ERLEC1: variants seen among roughly 807,000 people sequenced by gnomAD.
ERLEC1 encodes endoplasmic reticulum lectin 1.
ERLEC1 carries 47 observed loss-of-function variants against 68.0 expected under a neutral mutation model. The ratio of observed to expected loss-of-function variants is 0.69; its 90% confidence interval spans 0.55 to 0.88. The LOEUF is 0.88. ERLEC1 is among the 40% of genes least tolerant of loss of function. The pLI is 0.00. For synonymous variants in ERLEC1, 225 were observed against 203.2 expected (o/e 1.11, Z -0.91); for missense variants, 567 against 583.8 (o/e 0.97, Z 0.30).
At chr2:53,809,565 C>A (rs1257529743) in intron 10 of ERLEC1, among the ~76,000 whole-genome samples, 2 of 152,100 alleles carry the variant, frequency 1.3e-5, no homozygotes, top group African/African-American at 4.8e-5. Flanking sequence ...AGAAATTAAT[C>A]ATTCTTACAA....
chr2:53,806,583 A>AAAT (rs1313420963), intron 8 of ERLEC1, among the ~76,000 whole-genome samples: 4 of 152,174 alleles, frequency 2.6e-5, no homozygotes, highest in African/African-American at 9.7e-5. Context: ...ACTTTTCAAA[A>AAAT]AATAAGACAG....
At chr2:53,808,001 G>A (rs1367767659) in intron 8 of ERLEC1, among the ~76,000 whole-genome samples, 1 of 151,578 alleles carries the variant, frequency 6.6e-6, no homozygotes, top group Admixed American at 6.6e-5. Flanking sequence ...CTCCAGCCTG[G>A]GCGACAGAGC....
intron 13 of ERLEC1, among the ~76,000 whole-genome samples, chr2:53,815,464 G>A (rs1019884660): frequency 1.7e-4 from 26 of 152,066 alleles, no homozygotes; most frequent in African/African-American, 5.6e-4. Context: ...CAGATCTTAA[G>A]TGTTGAGCTT....
At chr2:53,799,253 G>A (rs552578284) in intron 6 of ERLEC1, among the ~76,000 whole-genome samples, 172 bp downstream of exon 6, 21 of 152,218 alleles carry the variant, frequency 1.4e-4, no homozygotes, top group African/African-American at 4.8e-4. Flanking sequence ...TCCGAGAAAA[G>A]TTACACTGTG....
intron 12 of ERLEC1, 71 bp from the exon 13 acceptor site, chr2:53,814,789 A>G: frequency 8.2e-7 from 1 of 1,225,092 alleles, no homozygotes; most frequent in Non-Finnish European, 1.2e-6. Flanking sequence ...GGGATTTTTA[A>G]GAGTACAGTT....
chr2:53,814,478 C>T (rs532474199), intron 11 of ERLEC1, 65 bp from the exon 12 acceptor site: 1,211 of 1,119,582 alleles, frequency 1.1e-3, no homozygotes, highest in Non-Finnish European at 1.5e-3. Flanking sequence ...TCTCACCCTA[C>T]CCATTACAAT....
intron 11 of ERLEC1, 139 bp downstream of exon 11, chr2:53,813,212 T>C: frequency 1.9e-6 from 2 of 1,053,070 alleles, no homozygotes; most frequent in Admixed American, 5.8e-5. Flanking sequence ...AGGTTAGTTT[T>C]CTTTTCTTAG....
At chr2:53,795,368 T>C (rs1249925048) in intron 2 of ERLEC1, among the ~76,000 whole-genome samples, 1 of 152,208 alleles carries the variant, frequency 6.6e-6, no homozygotes, top group African/African-American at 2.4e-5. Flanking sequence ...ATCTGGAAAA[T>C]AGAAATATTA....
intron 8 of ERLEC1, among the ~76,000 whole-genome samples, chr2:53,807,481 C>G (rs1676357603): frequency 6.6e-6 from 1 of 152,108 alleles, no homozygotes; most frequent in South Asian, 2.1e-4. Flanking sequence ...TCTCAGCTCA[C>G]TGCAACCTCC....
Position 53,794,906 on chromosome 2 carries a change from GC to G in ERLEC1, c.267+459del, listed in dbSNP as rs923664735. On this transcript the variant is annotated intron_variant, in intron 2 of 13. Transcript: ENST00000185150. ...TTGACCTCATGATCTGCCCACCTCG[GC>G]CTCCCAAAGTGCTGGGATTACAGGC... 3.3e-5 allele frequency among the ~76,000 whole-genome samples: 5 copies of G among 152,106 alleles called. No homozygotes were observed. In the East Asian group the frequency reaches 9.7e-4, roughly 29 times the overall value.
intron 5 of ERLEC1, among the ~76,000 whole-genome samples, chr2:53,798,024 G>A (rs577785271): frequency 2.0e-4 from 30 of 152,130 alleles, no homozygotes; most frequent in African/African-American, 5.1e-4. Flanking sequence ...GTGAAACCCC[G>A]TCTCTATTAA....
chr2:53,797,857 A>G (rs1297194095), intron 5 of ERLEC1, 62 bp downstream of exon 5: 2 of 1,392,884 alleles, frequency 1.4e-6, no homozygotes, highest in Admixed American at 3.8e-5. Flanking sequence ...ATATGTTCAA[A>G]ATGGAATTTA....
At chr2:53,817,726 T>C (rs1396854849) in intron 13 of ERLEC1, among the ~76,000 whole-genome samples, 172 bp from the exon 14 acceptor site, 1 of 152,232 alleles carries the variant, frequency 6.6e-6, no homozygotes, top group Non-Finnish European at 1.5e-5. Context: ...TCTGTATGGA[T>C]GACTAAAAGT....
At chr2:53,807,133 A>G (rs998805406) in intron 8 of ERLEC1, among the ~76,000 whole-genome samples, 1 of 152,198 alleles carries the variant, frequency 6.6e-6, no homozygotes, top group Non-Finnish European at 1.5e-5. Flanking sequence ...ACCTCTCAGC[A>G]TTTAGTTTTC....
chr2:53,801,660 C>T (rs1266823736), intron 7 of ERLEC1, 40 bp downstream of exon 7: 1 of 1,611,728 alleles, frequency 6.2e-7, no homozygotes. Context: ...AAAATGCACA[C>T]ATGCTTTAAA....
intron 1 of ERLEC1, among the ~76,000 whole-genome samples, chr2:53,791,603 T>C (rs1558590094): frequency 1.3e-5 from 2 of 152,166 alleles, no homozygotes; most frequent in Non-Finnish European, 2.9e-5. Flanking sequence ...TCAGCAGAGT[T>C]TTCAGATAGA....
chr2:53,814,977 A>C, intron 13 of ERLEC1, 42 bp downstream of exon 13: 4 of 1,035,490 alleles, frequency 3.9e-6, no homozygotes, highest in Non-Finnish European at 5.6e-6. Flanking sequence ...ATTTTGAGCC[A>C]TGTTTTAATT....
chr2:53,795,745 G>A (rs1354800658), intron 2 of ERLEC1, among the ~76,000 whole-genome samples, 188 bp from the exon 3 acceptor site: 2 of 151,932 alleles, frequency 1.3e-5, no homozygotes, highest in African/African-American at 4.8e-5. Flanking sequence ...ATTATTTTAC[G>A]GCTCCATATT....
Position 53,796,990 on chromosome 2 carries a change from C to G in ERLEC1, c.349-525C>G, listed in dbSNP as rs575526472. 2.7e-5 allele frequency among the ~76,000 whole-genome samples: 4 copies of G among 148,124 alleles called. No individual in the cohort carries two copies. In the South Asian group the frequency reaches 6.5e-4, roughly 24 times the overall value. On this transcript the variant is annotated intron_variant, in intron 3 of 13. Transcript: ENST00000185150. ...CACTGCAACCTCCGCCTGCCAGGTTCAAGCGCTTCTTCTGCCTCAGCCTCC... is the reference window on the plus strand; with the variant it reads ...CACTGCAACCTCCGCCTGCCAGGTTGAAGCGCTTCTTCTGCCTCAGCCTCC...
Sources: gnomAD v4.1 joint callset for allele counts (sites outside exome capture counted in the v4.1 genomes callset) on GRCh38, gnomAD v4.1.1 for gene constraint, MANE v1.5 for transcripts, NCBI Gene and HGNC (gene_info 2026-07-23, HGNC 2026-07-21) for gene names.